MON1A: variants seen among roughly 807,000 people sequenced by gnomAD.
MON1A encodes the protein vacuolar fusion protein MON1 homolog A.
MON1A carries 29 observed loss-of-function variants against 44.6 expected under a neutral mutation model. The ratio of observed to expected loss-of-function variants is 0.65; its 90% CI spans 0.48 to 0.89. The LOEUF is 0.89. MON1A is among the 40% of genes least tolerant of loss of function. The pLI is 0.00. For missense variants in MON1A, 615 were observed against 759.6 expected (o/e 0.81, Z 2.24); for synonymous variants, 275 against 316.4 (o/e 0.87, Z 1.39).
At chr3:49,912,103 G>A (rs2082893581) in intron 2 of MON1A, 92 bp from the exon 3 acceptor site, 1 of 1,437,134 alleles carries the variant, frequency 7.0e-7, no homozygotes. Context: ...CAGCATGACT[G>A]CCTGTCTTGT....
intron 1 of MON1A, among the ~76,000 whole-genome samples, chr3:49,922,382 G>A (rs2083006854): frequency 6.6e-6 from 1 of 152,024 alleles, no homozygotes. Context: ...GGGAGGCAGA[G>A]TTGAGATCGC....
At chr3:49,929,470 C>A in intron 1 of MON1A, 139 bp downstream of exon 1, 1 of 997,650 alleles carries the variant, frequency 1.0e-6, no homozygotes, top group South Asian at 1.4e-5. Flanking sequence ...GCTGAGGGAC[C>A]GCAGGGAGAC....
Position 49,910,199 on chromosome 3 carries a change from G to C in MON1A, c.1299C>G (p.Pro433=). 6.2e-7 allele frequency: 1 copy of C among 1,614,122 alleles called. No individual in the cohort carries two copies. The highest frequency in any genetic ancestry group is 1.1e-5 in the South Asian group (1 of 91,078). The part of the protein sequence containing the change: ...HLALREALRT[P]YYSVAQVGIP... The stretch of plus-strand genomic sequence containing the variant: ...TGCCCACTTGGGCAACGCTGTAGTA[G>C]GGTGTGCGCAGTGCCTCTCGCAGGG... Residue 433 remains proline (P), a synonymous_variant, in exon 4 of 6, where the codon CCC becomes CCG. Transcript: ENST00000296473. This position sits in a 1 kb window ranked among gnomAD's most constrained non-coding sequence, Gnocchi z 8.0.
intron 1 of MON1A, among the ~76,000 whole-genome samples, chr3:49,922,616 G>GGAAAGGAAGGAAAGGAA (rs1201912638): frequency 2.7e-5 from 4 of 148,642 alleles, no homozygotes; most frequent in African/African-American, 9.9e-5. Context: ...GGGGAAGGAG[G>GGAAAGGAAGGAAAGGAA]GAAAGGAAGG....
At chr3:49,921,682 C>T (rs2082997972) in intron 1 of MON1A, among the ~76,000 whole-genome samples, 1 of 148,056 alleles carries the variant, frequency 6.8e-6, no homozygotes, top group Non-Finnish European at 1.5e-5. Context: ...GCTCTGTCAC[C>T]AAGTCTGGAG....
At chr3:49,926,433 G>T (rs1446968754) in intron 1 of MON1A, among the ~76,000 whole-genome samples, 1 of 152,092 alleles carries the variant, frequency 6.6e-6, no homozygotes, top group Admixed American at 6.6e-5. Context: ...ACAAATTTCA[G>T]TATGGCTTTA....
chr3:49,910,743 A>T lies in MON1A; in HGVS notation c.755T>A (p.Leu252Gln). The T allele has an allele frequency of 6.2e-7, 1 of 1,614,016 alleles. No individual in the cohort carries two copies. The highest frequency in any genetic ancestry group is 2.2e-5 in the East Asian group (1 of 44,892). ...QILSLLTGAQ[L>Q]SHIFQQKQNY... ...CTGCTTCTGCTGGAAGATGTGGCTCAGCTGCGCACCGGTAAGAAGGCTTAG... is the reference window on the plus strand; with the variant it reads ...CTGCTTCTGCTGGAAGATGTGGCTCTGCTGCGCACCGGTAAGAAGGCTTAG... Residue 252 changes from leucine (L) to glutamine (Q), a missense_variant, in exon 4 of 6, where the codon CTG becomes CAG. Leu to Gln is a moderately radical substitution (Grantham distance 113). Transcript: ENST00000296473. The surrounding 1 kb of genome is among the most constrained non-coding windows in gnomAD (Gnocchi z 8.0).
intron 1 of MON1A, among the ~76,000 whole-genome samples, chr3:49,924,941 A>G (rs1029927853): frequency 5.9e-5 from 9 of 152,188 alleles, no homozygotes; most frequent in Admixed American, 5.9e-4. Context: ...GATGACTTCA[A>G]CGTAATAAGA....
intron 1 of MON1A, among the ~76,000 whole-genome samples, chr3:49,926,022 C>T (rs888288395): frequency 6.6e-6 from 1 of 152,168 alleles, no homozygotes; most frequent in East Asian, 1.9e-4. Flanking sequence ...CATGCAGTTC[C>T]TCTGCTCACA....
In MON1A at chr3:49,909,488, G is replaced by C; in HGVS notation, c.1380-88C>G. 1 of 1,540,988 alleles carries C rather than the reference G, an allele frequency of 6.5e-7. No homozygotes were observed. The highest frequency in any genetic ancestry group is 1.2e-5 in the South Asian group (1 of 83,902). On this transcript the variant is annotated intron_variant, in intron 4 of 5. Coordinates refer to ENST00000296473, the MANE Select transcript of MON1A (RefSeq NM_032355.4). This position sits in a 1 kb window ranked among gnomAD's most constrained non-coding sequence, Gnocchi z 4.0. ...TTTAGAAACACCTATTCCTATCCAG[G>C]AAGACTCTATCTTATGTCCTACCCT...
chr3:49,920,806 C>G (rs1446377268), intron 1 of MON1A: 1 of 151,076 alleles, frequency 6.6e-6, no homozygotes, highest in Non-Finnish European at 1.5e-5. Flanking sequence ...CCACTGCACT[C>G]TAGCCTGGGT....
Position 49,910,894 on chromosome 3 carries a change from G to C in MON1A, c.614-10C>G, listed in dbSNP as rs1436580051. 1.3e-6 allele frequency: 2 copies of C among 1,581,516 alleles called. No homozygotes were observed. Among genetic ancestry groups the C allele is most frequent in the Admixed American group, 1.8e-5 (1 of 56,408 alleles). On this transcript the variant is annotated splice_polypyrimidine_tract_variant and intron_variant, in intron 3 of 5. Transcript: ENST00000296473. The surrounding 1 kb of genome is among the most constrained non-coding windows in gnomAD (Gnocchi z 8.0). ...ACTACCTTGTAGCCATCTGAGAGCG[G>C]GACAGGAAAGAAGGATGTCAGCCTC...
At chr3:49,920,761 G>T (rs2082988815) in intron 1 of MON1A, 1 of 151,984 alleles carries the variant, frequency 6.6e-6, no homozygotes. Context: ...TTGTTTGAAT[G>T]TGGGAGGCGG....
Position 49,911,829 on chromosome 3 carries a change from C to A in MON1A, c.310G>T (p.Val104Leu). ...FSELSTQLTG[V>L]ARDLQEEMLP... is the part of the protein sequence containing the mutation. ...ATCTCCTCCTGCAGGTCCCGGGCCA[C>A]ACCCGTCAGCTGGGTGCTTAGCTCG... The change falls in exon 3 of 6, where the codon GTG becomes TTG. Residue 104 changes from valine to leucine, a missense_variant. Coordinates refer to ENST00000296473, the MANE Select transcript of MON1A (RefSeq NM_032355.4). The surrounding 1 kb of genome is among the most constrained non-coding windows in gnomAD (Gnocchi z 5.7). 6.2e-7 allele frequency: 1 copy of A among 1,614,120 alleles called. No homozygotes were observed. The highest frequency in any genetic ancestry group is 8.5e-7 in the Non-Finnish European group (1 of 1,180,016).
intron 1 of MON1A, chr3:49,924,617 GGTTGCAGTGAGCTGAGATCGCACTGCT>G (rs1326014320): frequency 5.0e-6 from 1 of 201,690 alleles, no homozygotes; most frequent in Non-Finnish European, 1.1e-5. Flanking sequence ...GGGAGGCAGA[GGTTGCAGTGAGCTGAGATCGCACTGCT>G]GCACTCCAGC....
intron 1 of MON1A, among the ~76,000 whole-genome samples, chr3:49,922,192 A>C (rs918502249): frequency 6.6e-6 from 1 of 151,790 alleles, no homozygotes; most frequent in African/African-American, 2.4e-5. Flanking sequence ...TCACGCCTAT[A>C]ATCCCAGCAC....
chr3:49,917,930 C>A (rs2082961022), intron 1 of MON1A, among the ~76,000 whole-genome samples: 1 of 152,020 alleles, frequency 6.6e-6, no homozygotes, highest in Admixed American at 6.6e-5. Flanking sequence ...TGCTTATAAT[C>A]CCAGCTACTC....
At chr3:49,914,521 A>G (rs1292911481) in intron 1 of MON1A, among the ~76,000 whole-genome samples, 1 of 148,476 alleles carries the variant, frequency 6.7e-6, no homozygotes, top group East Asian at 2.0e-4. Flanking sequence ...CTACAAGCAC[A>G]TGCCACTGCG....
At chr3:49,926,907 T>G (rs112524388) in intron 1 of MON1A, among the ~76,000 whole-genome samples, 18,686 of 151,846 alleles carry the variant, frequency 0.12, 1,450 homozygotes, top group Non-Finnish European at 0.18. Flanking sequence ...GCCTCCCGAG[T>G]AGCTGGGATT....
Sources: allele counts gnomAD v4.1 joint callset (sites outside exome capture counted in the v4.1 genomes callset), GRCh38; gene constraint gnomAD v4.1.1; non-coding constraint Gnocchi (gnomAD v3.1); transcripts MANE v1.5; gene names NCBI Gene and HGNC (gene_info 2026-07-23, HGNC 2026-07-21).